Variants in UNC5C observed in about 807,000 individuals in gnomAD.
UNC5C encodes the protein netrin receptor UNC5C.
In UNC5C, 47 loss-of-function variants were observed where a neutral mutation model predicts 99.8. The observed-to-expected ratio is 0.47, with a 90% CI of 0.37 to 0.60. UNC5C has a LOEUF of 0.60. Among genes scored for constraint, UNC5C ranks in the 20% least tolerant of loss-of-function variants. The pLI is 0.00. For synonymous variants in UNC5C, 487 were observed against 452.2 expected, an observed-to-expected ratio of 1.08 and a Z score of -0.98; for missense variants, 1,062 against 1,165.9, an observed-to-expected ratio of 0.91 and a Z score of 1.30.
chr4:95,310,840 T>C (rs1413010212), intron 2 of UNC5C, among the ~76,000 whole-genome samples: 1 of 152,180 alleles, frequency 6.6e-6, no homozygotes, highest in South Asian at 2.1e-4. Context: ...GAAAGCTCTA[T>C]GACAACTATA....
chr4:95,356,226 A>AAAAC (rs1371053400), intron 1 of UNC5C, among the ~76,000 whole-genome samples: 1 of 144,712 alleles, frequency 6.9e-6, no homozygotes, highest in Non-Finnish European at 1.5e-5. Context: ...AACAAAAAAA[A>AAAAC]AACAGATTCC....
At chr4:95,371,782 G>A (rs1473168042) in intron 1 of UNC5C, among the ~76,000 whole-genome samples, 1 of 152,126 alleles carries the variant, frequency 6.6e-6, no homozygotes, top group African/African-American at 2.4e-5. Flanking sequence ...TGAGAAGCTG[G>A]AAATCAAATG....
At chr4:95,188,224 C>T (rs1001311738) in intron 12 of UNC5C, among the ~76,000 whole-genome samples, 3 of 152,106 alleles carry the variant, frequency 2.0e-5, no homozygotes, top group Non-Finnish European at 2.9e-5. Flanking sequence ...GGGAAGAATT[C>T]AGCCCAGCAG....
At chr4:95,179,194 C>T (rs758599034) in intron 14 of UNC5C, among the ~76,000 whole-genome samples, 2 of 152,240 alleles carry the variant, frequency 1.3e-5, no homozygotes, top group Admixed American at 6.5e-5. Context: ...ACTTTCTATT[C>T]TGATATTTGG....
In UNC5C at chr4:95,185,107, G is replaced by A. The variant is rs1046816844; in HGVS notation, c.2226C>T (p.Arg742=). The A allele has an allele frequency of 2.5e-6, 4 of 1,614,004 alleles. No homozygotes were observed. Among genetic ancestry groups the A allele is most frequent in the Admixed American group, 3.3e-5 (2 of 59,966 alleles). Residue 742 remains arginine (R), a synonymous_variant, in exon 13 of 16, where the codon CGC becomes CGT. Transcript: ENST00000453304. ...AATGGGCGATATCGTGAATTGACAG[G>A]CGCAGGTTGTGGGTGCTGCCTTTAA... ...LHFKGSTHNL[R]LSIHDIAHSL...
intron 1 of UNC5C, among the ~76,000 whole-genome samples, chr4:95,462,073 C>T (rs1747619355): frequency 6.6e-6 from 1 of 151,922 alleles, no homozygotes; most frequent in African/African-American, 2.4e-5. Flanking sequence ...AGAGAAAAGG[C>T]TATATGCTGA....
At chr4:95,465,761 A>G (rs1430183093) in intron 1 of UNC5C, among the ~76,000 whole-genome samples, 2 of 152,160 alleles carry the variant, frequency 1.3e-5, no homozygotes, top group Non-Finnish European at 1.5e-5. Flanking sequence ...GGTTAAAAAA[A>G]AGTTTGGATT....
intron 1 of UNC5C, among the ~76,000 whole-genome samples, chr4:95,441,705 TTTAA>T (rs1250219810): frequency 1.3e-5 from 2 of 152,236 alleles, no homozygotes; most frequent in African/African-American, 2.4e-5. Flanking sequence ...AATTATTTTA[TTTAA>T]TTATCACAGC....
chr4:95,240,379 G>A (rs1002741912), intron 7 of UNC5C, among the ~76,000 whole-genome samples: 2 of 152,124 alleles, frequency 1.3e-5, no homozygotes, highest in Non-Finnish European at 2.9e-5. Context: ...GTAAAATACT[G>A]TAATTACACA....
At chr4:95,433,095 C>T (rs1030584699) in intron 1 of UNC5C, among the ~76,000 whole-genome samples, 1 of 152,082 alleles carries the variant, frequency 6.6e-6, no homozygotes, top group African/African-American at 2.4e-5. Flanking sequence ...GTGTTCACCT[C>T]CTTTCTGCCA....
At chr4:95,269,154 C>T (rs1201247112) in intron 4 of UNC5C, among the ~76,000 whole-genome samples, 1 of 152,192 alleles carries the variant, frequency 6.6e-6, no homozygotes, top group African/African-American at 2.4e-5. Flanking sequence ...TAAAAAATCT[C>T]GATAACCTGG....
intron 1 of UNC5C, among the ~76,000 whole-genome samples, chr4:95,383,175 A>G (rs571722559): frequency 6.6e-6 from 1 of 152,176 alleles, no homozygotes; most frequent in Non-Finnish European, 1.5e-5. Context: ...AGAAGAAGAA[A>G]AAGTATATCA....
intron 5 of UNC5C, 118 bp downstream of exon 5, chr4:95,250,369 A>T (rs1739652276): frequency 9.0e-7 from 1 of 1,109,476 alleles, no homozygotes; most frequent in Admixed American, 2.6e-5. Context: ...TGGGTGACAG[A>T]GCAAGACCCT....
intron 1 of UNC5C, among the ~76,000 whole-genome samples, chr4:95,448,196 GTC>G (rs35244224): frequency 0.27 from 31,619 of 118,442 alleles, 4,455 homozygotes; most frequent in East Asian, 0.38. Flanking sequence ...TAATGTGTGT[GTC>G]TCTGTGTGTG....
At chr4:95,500,547 A>T (rs1349030647) in intron 1 of UNC5C, among the ~76,000 whole-genome samples, 2 of 152,112 alleles carry the variant, frequency 1.3e-5, no homozygotes, top group Non-Finnish European at 2.9e-5. Context: ...TTGTTTTGGC[A>T]TCGAAATAAT....
rs1185549906 is a variant in UNC5C, at chr4:95,285,159, CAGAA to C, written c.491-6801_491-6798del. ...ATCTCACCAAAGGTACTTCATTATG[CAGAA>C]AGATTTATTTATTAGAATAAAATAT... is the stretch of plus-strand genomic sequence containing the variant. On this transcript the variant is annotated intron_variant, in intron 3 of 15. Coordinates refer to ENST00000453304, the MANE Select transcript of UNC5C (RefSeq NM_003728.4). Among the ~76,000 whole-genome samples the C allele has an allele frequency of 6.6e-5, 10 of 152,094 alleles. No homozygotes were observed. The East Asian group carries it at 1.3e-3, about 20-fold the overall frequency.
At chr4:95,346,840 C>T (rs1356550480) in intron 1 of UNC5C, among the ~76,000 whole-genome samples, 1 of 151,910 alleles carries the variant, frequency 6.6e-6, no homozygotes, top group Non-Finnish European at 1.5e-5. Flanking sequence ...AAAGCTTTTT[C>T]TCTAAGATAT....
chr4:95,511,976 G>C (rs1009130107), intron 1 of UNC5C, among the ~76,000 whole-genome samples: 5 of 152,108 alleles, frequency 3.3e-5, no homozygotes, highest in African/African-American at 1.2e-4. Context: ...AAGGGTATGT[G>C]ACTACTTGTT....
At chr4:95,542,142 T>A (rs1722936338) in intron 1 of UNC5C, among the ~76,000 whole-genome samples, 1 of 152,136 alleles carries the variant, frequency 6.6e-6, no homozygotes, top group Non-Finnish European at 1.5e-5. Flanking sequence ...ACTCTGGTGT[T>A]AAATCTGAGT....
Sources: gnomAD v4.1 joint callset for allele counts (sites outside exome capture counted in the v4.1 genomes callset) on GRCh38, gnomAD v4.1.1 for gene constraint, MANE v1.5 for transcripts, NCBI Gene and HGNC (gene_info 2026-07-23, HGNC 2026-07-21) for gene names.